Variants in PPARGC1A observed in about 807,000 individuals in gnomAD.
PPARGC1A encodes peroxisome proliferator-activated receptor gamma coactivator 1-alpha.
In PPARGC1A, 25 loss-of-function variants were observed where a neutral mutation model predicts 88.7. The observed-to-expected ratio is 0.28, with a 90% CI of 0.21 to 0.39. The LOEUF (loss-of-function observed/expected upper bound fraction) is 0.39, where lower values mean the gene tolerates loss of function less well. Ranked by LOEUF, PPARGC1A falls within the 10% of genes least tolerant of loss-of-function variation. PPARGC1A has a pLI of 1.00. For synonymous variants in PPARGC1A, 363 were observed against 355.6 expected (o/e 1.02, Z -0.24); for missense variants, 880 against 968.7 (o/e 0.91, Z 1.22).
chr4:24,046,764 G>C, the PPARGC1A span, among the ~76,000 whole-genome samples: 16 of 152,020 alleles, frequency 1.1e-4, no homozygotes, highest in Non-Finnish European at 1.9e-4. Flanking sequence ...GAATCTGAAC[G>C]ATAATGACAC....
chr4:24,141,779 T>G, the PPARGC1A span, among the ~76,000 whole-genome samples: 1 of 152,122 alleles, frequency 6.6e-6, no homozygotes, highest in Non-Finnish European at 1.5e-5. Flanking sequence ...AAGCTGCATC[T>G]CTCCCTTCAG....
the PPARGC1A span, among the ~76,000 whole-genome samples, chr4:24,118,313 C>A: frequency 6.6e-6 from 1 of 152,132 alleles, no homozygotes; most frequent in African/African-American, 2.4e-5. Flanking sequence ...AGCTGCGTTA[C>A]CCACCCTTCT....
the PPARGC1A span, among the ~76,000 whole-genome samples, chr4:24,106,293 AC>A: frequency 6.6e-6 from 1 of 151,996 alleles, no homozygotes; most frequent in Non-Finnish European, 1.5e-5. Flanking sequence ...TTTCTTCTAT[AC>A]TCATTATAGA....
chr4:23,989,180 C>T, the PPARGC1A span, among the ~76,000 whole-genome samples: 1 of 151,782 alleles, frequency 6.6e-6, no homozygotes, highest in Non-Finnish European at 1.5e-5. Flanking sequence ...ACCTTCTAAA[C>T]TTTCAGATGA....
At chr4:24,331,086 A>C in the PPARGC1A span, among the ~76,000 whole-genome samples, 12 of 151,976 alleles carry the variant, frequency 7.9e-5, no homozygotes, top group Non-Finnish European at 1.8e-4. Context: ...TTGCTTCACA[A>C]CTATACGTTA....
At chr4:24,154,811 C>A in the PPARGC1A span, among the ~76,000 whole-genome samples, 1 of 152,160 alleles carries the variant, frequency 6.6e-6, no homozygotes, top group African/African-American at 2.4e-5. Flanking sequence ...TAAAAACCAG[C>A]ATTATAAAGG....
chr4:24,038,123 C>T, the PPARGC1A span, among the ~76,000 whole-genome samples: 3 of 152,188 alleles, frequency 2.0e-5, no homozygotes, highest in African/African-American at 7.2e-5. Context: ...TTCCCTTGTG[C>T]AGTAAACAAC....
the PPARGC1A span, among the ~76,000 whole-genome samples, chr4:24,100,416 C>T: frequency 6.6e-6 from 1 of 152,126 alleles, no homozygotes; most frequent in Admixed American, 6.5e-5. Context: ...TTTCAAAATT[C>T]TGCAAGGATT....
the PPARGC1A span, among the ~76,000 whole-genome samples, chr4:24,312,593 CT>C: frequency 1.5e-5 from 2 of 130,252 alleles, no homozygotes; most frequent in Admixed American, 8.2e-5. Flanking sequence ...TATAGTCACC[CT>C]AAAAAATGTG....
chr4:23,996,752 A>G, the PPARGC1A span, among the ~76,000 whole-genome samples: 2 of 152,140 alleles, frequency 1.3e-5, no homozygotes, highest in Non-Finnish European at 2.9e-5. Context: ...CAACTACTCA[A>G]CTCTGCCATT....
intron 2 of PPARGC1A, chr4:23,881,876 G>C (rs772588095): frequency 6.6e-6 from 1 of 152,214 alleles, no homozygotes; most frequent in Non-Finnish European, 1.5e-5. Flanking sequence ...CCGGCCCTGG[G>C]AAGGCACTTC....
At chr4:24,290,005 G>A in the PPARGC1A span, among the ~76,000 whole-genome samples, 2 of 152,138 alleles carry the variant, frequency 1.3e-5, no homozygotes, top group Non-Finnish European at 2.9e-5. Context: ...AGGCAAAAAA[G>A]CTTGTGCAGG....
the PPARGC1A span, among the ~76,000 whole-genome samples, chr4:23,971,818 A>G: frequency 6.6e-6 from 1 of 152,190 alleles, no homozygotes; most frequent in Non-Finnish European, 1.5e-5. Context: ...ACTCGGTATT[A>G]ACCATCACAC....
chr4:24,090,301 A>G, the PPARGC1A span, among the ~76,000 whole-genome samples: 1 of 152,218 alleles, frequency 6.6e-6, no homozygotes, highest in Non-Finnish European at 1.5e-5. Flanking sequence ...TACTTCCTGA[A>G]TAATGCTCCC....
the PPARGC1A span, among the ~76,000 whole-genome samples, chr4:24,247,199 AC>A: frequency 6.6e-6 from 1 of 151,558 alleles, no homozygotes; most frequent in Non-Finnish European, 1.5e-5. Flanking sequence ...TCGACCCACC[AC>A]CCCCCAAAAA....
the PPARGC1A span, among the ~76,000 whole-genome samples, chr4:24,449,201 C>T: frequency 1.3e-5 from 2 of 152,128 alleles, no homozygotes; most frequent in Non-Finnish European, 2.9e-5. Context: ...CCTCACTCTC[C>T]ATGAACTGCT....
chr4:24,420,287 A>G, the PPARGC1A span, among the ~76,000 whole-genome samples: 12 of 152,378 alleles, frequency 7.9e-5, no homozygotes, highest in South Asian at 2.5e-3. Context: ...TAAGTATTCC[A>G]TATTAAAAAT....
At chr4:23,915,659 A>G in the PPARGC1A span, among the ~76,000 whole-genome samples, 1 of 152,206 alleles carries the variant, frequency 6.6e-6, no homozygotes, top group African/African-American at 2.4e-5. Flanking sequence ...CAAATGTGAC[A>G]TAGACACGTG....
the PPARGC1A span, among the ~76,000 whole-genome samples, chr4:24,456,659 A>G: frequency 6.6e-6 from 1 of 152,046 alleles, no homozygotes; most frequent in Non-Finnish European, 1.5e-5. Context: ...AGGTTTTAGC[A>G]AGACAGTGGT....
Sources: allele counts gnomAD v4.1 joint callset (sites outside exome capture counted in the v4.1 genomes callset), GRCh38; gene constraint gnomAD v4.1.1; transcripts MANE v1.5; gene names NCBI Gene and HGNC (gene_info 2026-07-23, HGNC 2026-07-21).